The following ZNF503 variants were observed in gnomAD, a reference collection of about 807,000 sequenced individuals.
The protein encoded by ZNF503 is zinc finger protein 503.
ZNF503 carries 15 observed loss-of-function variants against 34.4 expected under a neutral mutation model. That is an observed-to-expected ratio of 0.44 (90% CI 0.29 to 0.67). The LOEUF is 0.67. Among genes scored for constraint, ZNF503 ranks in the 30% least tolerant of loss-of-function variants. The pLI is 0.13. For synonymous variants in ZNF503, 580 were observed against 456.8 expected, an observed-to-expected ratio of 1.27 and a Z score of -3.44; for missense variants, 1,007 against 926.8, an observed-to-expected ratio of 1.09 and a Z score of -1.12.
At chr10:75,309,086 C>T in the ZNF503 span, among the ~76,000 whole-genome samples, 994 of 152,216 alleles carry the variant, frequency 6.5e-3, 12 homozygotes, top group African/African-American at 0.023. Flanking sequence ...TCAAGTGATC[C>T]GCCTGCCTCA....
At position 75,398,673 on chromosome 10, in the gene ZNF503, G is replaced by C. The variant is rs1843734539; in HGVS notation, c.*76C>G. The C allele has an allele frequency of 7.9e-7, 1 of 1,272,522 alleles. No homozygotes were observed. Among genetic ancestry groups the C allele is most frequent in the Admixed American group, 3.8e-5 (1 of 26,374 alleles). The allele number at this position is 1,272,522 out of a possible 1,614,324, so 78.8% of individuals were successfully genotyped here. A position where few individuals can be genotyped will look rare whatever the true frequency, so the allele number is the denominator to read the frequency against. On this transcript the variant is annotated 3_prime_UTR_variant, in exon 2 of 2. Transcript: ENST00000372524. ...CCACGCGCGGGTGTCAGCAGCCTGG[G>C]CCGTGATCCCGCCTCTCCCTGGACT...
At chr10:75,348,713 T>G in the ZNF503 span, among the ~76,000 whole-genome samples, 1 of 151,252 alleles carries the variant, frequency 6.6e-6, no homozygotes, top group Non-Finnish European at 1.5e-5. Context: ...GGGGTTTCAC[T>G]GTGTTAGCCA....
chr10:75,312,566 A>G, the ZNF503 span, among the ~76,000 whole-genome samples: 1,066 of 152,318 alleles, frequency 7.0e-3, 7 homozygotes, highest in Non-Finnish European at 0.012. Flanking sequence ...AAAGTTTGAA[A>G]AGAAATAATG....
chr10:75,289,338 T>A, the ZNF503 span, among the ~76,000 whole-genome samples: 83 of 152,272 alleles, frequency 5.5e-4, 3 homozygotes, highest in East Asian at 0.016. Context: ...TCTGGGCATG[T>A]CCTGACCATC....
chr10:75,365,482 G>T, the ZNF503 span, among the ~76,000 whole-genome samples: 2 of 152,232 alleles, frequency 1.3e-5, no homozygotes, highest in South Asian at 2.1e-4. Context: ...AAAGAGAAAT[G>T]ATCGGATTCA....
the ZNF503 span, among the ~76,000 whole-genome samples, chr10:75,325,330 T>TATA: frequency 2.2e-5 from 1 of 45,914 alleles, no homozygotes; most frequent in Admixed American, 1.7e-4. Context: ...TATATATATA[T>TATA]TTTTTTTTTT....
the ZNF503 span, among the ~76,000 whole-genome samples, chr10:75,335,860 C>T: frequency 6.6e-6 from 1 of 152,152 alleles, no homozygotes; most frequent in Non-Finnish European, 1.5e-5. Context: ...AGCAATGTTT[C>T]CCATGTGTTC....
At chr10:75,350,721 T>C in the ZNF503 span, among the ~76,000 whole-genome samples, 1 of 152,084 alleles carries the variant, frequency 6.6e-6, no homozygotes, top group Non-Finnish European at 1.5e-5. Context: ...CTGTTTTTTT[T>C]GTTTTTCTTT....
the ZNF503 span, among the ~76,000 whole-genome samples, chr10:75,329,413 C>T: frequency 0.014 from 734 of 54,110 alleles, 6 homozygotes; most frequent in African/African-American, 0.036. Context: ...TTCCTTCCTT[C>T]CTTTCCTTCC....
At chr10:75,364,405 A>G in the ZNF503 span, among the ~76,000 whole-genome samples, 1 of 152,132 alleles carries the variant, frequency 6.6e-6, no homozygotes, top group Non-Finnish European at 1.5e-5. Context: ...CTCAGGGACA[A>G]TCATGTCAAC....
At chr10:75,313,115 T>C in the ZNF503 span, among the ~76,000 whole-genome samples, 1 of 152,212 alleles carries the variant, frequency 6.6e-6, no homozygotes, top group Non-Finnish European at 1.5e-5. Context: ...GCCTCGGGTA[T>C]GTCTTTATTC....
the ZNF503 span, among the ~76,000 whole-genome samples, chr10:75,309,473 T>A: frequency 6.6e-6 from 1 of 152,170 alleles, no homozygotes; most frequent in Admixed American, 6.6e-5. Context: ...CCTTGATCAG[T>A]CACCAGCCAT....
the ZNF503 span, among the ~76,000 whole-genome samples, chr10:75,378,639 A>G: frequency 1.3e-5 from 2 of 152,106 alleles, no homozygotes; most frequent in Non-Finnish European, 2.9e-5. Flanking sequence ...GTTGAGGGGA[A>G]GTGACATTTT....
At chr10:75,325,490 G>C in the ZNF503 span, among the ~76,000 whole-genome samples, 15 of 152,188 alleles carry the variant, frequency 9.9e-5, no homozygotes, top group Admixed American at 2.6e-4. Flanking sequence ...ACAGCACCCA[G>C]CTCCACACTG....
the ZNF503 span, among the ~76,000 whole-genome samples, chr10:75,325,325 A>AT: frequency 3.6e-5 from 4 of 111,948 alleles, no homozygotes; most frequent in South Asian, 2.3e-4. Context: ...CCATATATAT[A>AT]TATATTTTTT....
chr10:75,385,456 G>T, the ZNF503 span, among the ~76,000 whole-genome samples: 1 of 152,224 alleles, frequency 6.6e-6, no homozygotes, highest in Non-Finnish European at 1.5e-5. Flanking sequence ...AGCTGGGGCG[G>T]CCCAAAGCCT....
chr10:75,401,216 C>T lies in ZNF503; in HGVS notation c.204G>A (p.Gln68=). 1 of 1,607,976 alleles carries T rather than the reference C, an allele frequency of 6.2e-7. No individual in the cohort carries two copies. The highest frequency in any genetic ancestry group is 8.5e-7 in the Non-Finnish European group (1 of 1,176,658). The part of the protein sequence containing the change: ...HAVPPSDPLR[Q]ANRLPIKVLK... ...GCACCTTGATTGGCAGGCGGTTGGC[C>T]TGGCGCAGGGGGTCAGAGGGGGGCA... Residue 68 remains glutamine, a synonymous_variant, in exon 1 of 2, where the codon CAG becomes CAA. Coordinates refer to ENST00000372524, the MANE Select transcript of ZNF503 (RefSeq NM_032772.6).
the ZNF503 span, among the ~76,000 whole-genome samples, chr10:75,331,436 C>G: frequency 6.6e-6 from 1 of 152,174 alleles, no homozygotes; most frequent in Non-Finnish European, 1.5e-5. Flanking sequence ...GAGTCTATCT[C>G]TCCCTTTAAT....
chr10:75,372,733 A>G, the ZNF503 span, among the ~76,000 whole-genome samples: 2 of 152,140 alleles, frequency 1.3e-5, no homozygotes, highest in Non-Finnish European at 2.9e-5. Flanking sequence ...ACGACCCCCA[A>G]TCCAAGCCCG....
Sources: gnomAD v4.1 joint callset for allele counts (sites outside exome capture counted in the v4.1 genomes callset) on GRCh38, gnomAD v4.1.1 for gene constraint, MANE v1.5 for transcripts, NCBI Gene and HGNC (gene_info 2026-07-23, HGNC 2026-07-21) for gene names.